The following MYDGF variants were observed in gnomAD, a reference collection of about 807,000 sequenced individuals.
The protein encoded by MYDGF is myeloid-derived growth factor.
MYDGF carries 29 observed loss-of-function variants against 24.2 expected under a neutral mutation model. The observed-to-expected ratio is 1.20, with a 90% confidence interval of 0.89 to 1.63. MYDGF has a LOEUF of 1.63. Ranked by LOEUF, MYDGF falls within the 40% of genes most tolerant of loss-of-function variation. MYDGF has a pLI of 0.00. For synonymous variants in MYDGF, 105 were observed against 102.5 expected, an observed-to-expected ratio of 1.02 and a Z score of -0.15; for missense variants, 245 against 234.8, an observed-to-expected ratio of 1.04 and a Z score of -0.29.
intron 1 of MYDGF, 150 bp downstream of exon 1, chr19:4,670,011 C>G: frequency 1.1e-6 from 1 of 881,900 alleles, no homozygotes; most frequent in Non-Finnish European, 1.5e-6. Flanking sequence ...CCGCGCCCCC[C>G]ACTCAGCCTC....
chr19:4,659,089 T>G (rs1486959061), intron 5 of MYDGF, among the ~76,000 whole-genome samples: 2 of 150,436 alleles, frequency 1.3e-5, no homozygotes, highest in Non-Finnish European at 3.0e-5. Context: ...CTGTTTATTG[T>G]TTTTGAGACA....
At chr19:4,662,762 T>G (rs1469960687) in intron 3 of MYDGF, among the ~76,000 whole-genome samples, 2 of 152,026 alleles carry the variant, frequency 1.3e-5, no homozygotes, top group African/African-American at 4.8e-5. Context: ...GGGAAACAGC[T>G]GGGGCCCCTT....
chr19:4,666,034 C>G (rs2088519157), intron 2 of MYDGF, among the ~76,000 whole-genome samples: 1 of 151,506 alleles, frequency 6.6e-6, no homozygotes. Flanking sequence ...ATGGAAAATG[C>G]AGGCTGGGCA....
At chr19:4,668,363 A>G (rs1050849516) in intron 2 of MYDGF, among the ~76,000 whole-genome samples, 4 of 152,156 alleles carry the variant, frequency 2.6e-5, no homozygotes, top group African/African-American at 9.7e-5. Context: ...GCAGACTCCC[A>G]TCTCCCCTCC....
In MYDGF at chr19:4,657,900, A is replaced by T; in HGVS notation, c.*105T>A. 9.2e-7 allele frequency: 1 copy of T among 1,092,628 alleles called. No individual in the cohort carries two copies. The highest frequency in any genetic ancestry group is 1.3e-6 in the Non-Finnish European group (1 of 773,602). The allele number at this position is 1,092,628 out of a possible 1,614,324, so 67.7% of individuals were successfully genotyped here. On this transcript the variant is annotated 3_prime_UTR_variant, in exon 6 of 6. Coordinates refer to ENST00000262947, the MANE Select transcript of MYDGF (RefSeq NM_019107.4). Reference sequence around the variant, plus strand: ...CAACGTCAGCCCAGGTAGAAAACTTAAGAGTCCCTCCTAGAAAACCAGTGA... The same window carrying T: ...CAACGTCAGCCCAGGTAGAAAACTTTAGAGTCCCTCCTAGAAAACCAGTGA...
chr19:4,657,927 G>A lies in MYDGF; in HGVS notation c.*78C>T, dbSNP rs2088435241. 1 of 1,329,464 alleles carries A rather than the reference G, an allele frequency of 7.5e-7. No homozygotes were observed. The highest frequency in any genetic ancestry group is 1.0e-6 in the Non-Finnish European group (1 of 963,284). The allele number at this position is 1,329,464 out of a possible 1,614,324, so 82.4% of individuals were successfully genotyped here. On this transcript the variant is annotated 3_prime_UTR_variant, in exon 6 of 6. Transcript: ENST00000262947. ...GAGTCCCTCCTAGAAAACCAGTGATGTGCTGGCCCTTTCAGGGACACAGGC... is the reference window on the plus strand; with the variant it reads ...GAGTCCCTCCTAGAAAACCAGTGATATGCTGGCCCTTTCAGGGACACAGGC...
chr19:4,670,251 C>A lies in MYDGF; in HGVS notation c.84G>T (p.Pro28=), dbSNP rs754600216. The change falls in exon 1 of 6, where the codon CCG becomes CCT. Residue 28 remains proline, a synonymous_variant. Coordinates refer to ENST00000262947, the MANE Select transcript of MYDGF (RefSeq NM_019107.4). The stretch of plus-strand genomic sequence containing the variant: ...TCGTGGGCTCGGACACCGCCTCCGC[C>A]GGCCTCAGCGCCACGGCCCCTAGGA... ...ALLLGAVALR[P]AEAVSEPTTV... 7.0e-6 allele frequency: 11 copies of A among 1,565,324 alleles called. No homozygotes were observed. The Middle Eastern group carries it at 5.1e-4, about 72-fold the overall frequency.
intron 1 of MYDGF, 24 bp from the exon 2 acceptor site, chr19:4,668,669 G>T: frequency 6.2e-7 from 1 of 1,605,144 alleles, no homozygotes; most frequent in South Asian, 1.1e-5. Flanking sequence ...GGAAAAAAAA[G>T]GTTTGGTAGA....
chr19:4,667,767 G>A (rs1173655529), intron 2 of MYDGF, among the ~76,000 whole-genome samples: 2 of 151,176 alleles, frequency 1.3e-5, no homozygotes, highest in South Asian at 2.1e-4. Context: ...GCACAATCAC[G>A]GCTCACTACA....
chr19:4,657,873 G>A lies in MYDGF; in HGVS notation c.*132C>T. On this transcript the variant is annotated 3_prime_UTR_variant, in exon 6 of 6. Transcript: ENST00000262947. Reference sequence around the variant, plus strand: ...CCACCCTGCAAGCCCCTCCGGACAAGGCAACGTCAGCCCAGGTAGAAAACT... The same window carrying A: ...CCACCCTGCAAGCCCCTCCGGACAAAGCAACGTCAGCCCAGGTAGAAAACT... 1 of 835,026 alleles carries A rather than the reference G, an allele frequency of 1.2e-6. No homozygotes were observed. The highest frequency in any genetic ancestry group is 1.8e-6 in the Non-Finnish European group (1 of 550,096). 51.7% of individuals were successfully genotyped at this position (835,026 alleles called of 1,614,324 possible).
intron 1 of MYDGF, among the ~76,000 whole-genome samples, chr19:4,669,590 T>C (rs995515423): frequency 4.6e-5 from 7 of 152,066 alleles, no homozygotes; most frequent in Middle Eastern, 3.4e-3. Flanking sequence ...TGCACGCAAG[T>C]CTAAAAAGAA....
Position 4,664,863 on chromosome 19 carries a change from C to G in MYDGF, c.287+13G>C. 6.2e-7 allele frequency: 1 copy of G among 1,611,872 alleles called. No homozygotes were observed. Among genetic ancestry groups the G allele is most frequent in the Non-Finnish European group, 8.5e-7 (1 of 1,179,176 alleles). On this transcript the variant is annotated intron_variant, in intron 3 of 5. Coordinates refer to ENST00000262947, the MANE Select transcript of MYDGF (RefSeq NM_019107.4). ...ACGGCAGCCGGAAATGCCATCCCCA[C>G]CCCGAGTCTCACCTCCAGATGGTGC...
chr19:4,661,903 A>C (rs2145183909), intron 3 of MYDGF, among the ~76,000 whole-genome samples: 1 of 152,204 alleles, frequency 6.6e-6, no homozygotes, highest in East Asian at 1.9e-4. Flanking sequence ...CCAGACCTGC[A>C]CCTGCCCAGA....
intron 1 of MYDGF, among the ~76,000 whole-genome samples, chr19:4,669,844 C>T (rs900231931): frequency 6.6e-6 from 1 of 152,172 alleles, no homozygotes; most frequent in Admixed American, 6.5e-5. Context: ...ATCACTGACC[C>T]CTCCCCACCT....
intron 5 of MYDGF, 62 bp downstream of exon 5, chr19:4,659,869 C>T: frequency 1.3e-6 from 2 of 1,516,132 alleles, no homozygotes; most frequent in Non-Finnish European, 1.8e-6. Flanking sequence ...TCCAAACTGC[C>T]CCGATTGCCC....
Position 4,660,714 on chromosome 19 carries a change from G to T in MYDGF, c.324C>A (p.Phe108Leu), listed in dbSNP as rs199635283. ...QGKSYLYFTQ[F>L]KAEVRGAEIE... ...TCTCAGCGCCCCGCACCTCTGCCTT[G>T]AACTGTGTGAAGTACAGATAGGACT... is the stretch of plus-strand genomic sequence containing the variant. Residue 108 changes from phenylalanine (F) to leucine (L), a missense_variant, in exon 4 of 6, where the codon TTC becomes TTA. Coordinates refer to ENST00000262947, the MANE Select transcript of MYDGF (RefSeq NM_019107.4). 5.0e-6 allele frequency: 8 copies of T among 1,613,954 alleles called. No homozygotes were observed. The Admixed American group carries it at 1.0e-4, about 20-fold the overall frequency.
At chr19:4,664,286 G>C (rs73537511) in intron 3 of MYDGF, among the ~76,000 whole-genome samples, 1,880 of 152,186 alleles carry the variant, frequency 0.012, 50 homozygotes, top group African/African-American at 0.044. Context: ...TGAATTGTGA[G>C]CTTAAAATGC....
intron 3 of MYDGF, among the ~76,000 whole-genome samples, chr19:4,660,975 T>C (rs2088466234): frequency 6.6e-6 from 1 of 150,560 alleles, no homozygotes; most frequent in Non-Finnish European, 1.5e-5. Flanking sequence ...TTTTTTTTTT[T>C]TTTTTTTTTT....
At position 4,668,651 on chromosome 19, in the gene MYDGF, G is replaced by A; in HGVS notation, c.175-6C>T. On this transcript the variant is annotated splice_polypyrimidine_tract_variant and splice_region_variant and intron_variant, in intron 1 of 5. Transcript: ENST00000262947. ...AACATACACGTATATTTGTCCTAGA[G>A]AATGGAAGGAAAAAAAAGGTTTGGT... 6.2e-7 allele frequency: 1 copy of A among 1,611,126 alleles called. No homozygotes were observed. The highest frequency in any genetic ancestry group is 1.7e-4 in the Middle Eastern group (1 of 5,832).
Sources: allele counts gnomAD v4.1 joint callset (sites outside exome capture counted in the v4.1 genomes callset), GRCh38; gene constraint gnomAD v4.1.1; transcripts MANE v1.5; gene names NCBI Gene and HGNC (gene_info 2026-07-23, HGNC 2026-07-21).